NRG3: variants seen among roughly 807,000 people sequenced by gnomAD.
The protein encoded by NRG3 is neuregulin 3, also known as pro-neuregulin-3, membrane-bound isoform.
In NRG3, 31 loss-of-function variants were observed where a neutral mutation model predicts 66.9. That is an observed-to-expected ratio of 0.46 (90% CI 0.35 to 0.63). The LOEUF (loss-of-function observed/expected upper bound fraction) is 0.63, where lower values mean the gene tolerates loss of function less well. NRG3 is among the 20% of genes least tolerant of loss of function. NRG3 has a pLI of 0.00. For missense variants in NRG3, 910 were observed against 878.9 expected, an observed-to-expected ratio of 1.04 and a Z score of -0.45; for synonymous variants, 393 against 359.4, an observed-to-expected ratio of 1.09 and a Z score of -1.06.
chr10:82,242,311 G>A (rs893384987), intron 1 of NRG3, among the ~76,000 whole-genome samples: 9 of 152,070 alleles, frequency 5.9e-5, no homozygotes, highest in South Asian at 2.1e-4. Flanking sequence ...GCAAAAGATG[G>A]TGTCTAAATT....
intron 1 of NRG3, among the ~76,000 whole-genome samples, chr10:82,270,037 G>A (rs1357250557): frequency 6.6e-6 from 1 of 152,114 alleles, no homozygotes; most frequent in Non-Finnish European, 1.5e-5. Flanking sequence ...AAAACGACAT[G>A]AGTATATAAG....
At chr10:81,950,519 C>T (rs1270466789) in intron 1 of NRG3, among the ~76,000 whole-genome samples, 1 of 152,182 alleles carries the variant, frequency 6.6e-6, no homozygotes, top group Non-Finnish European at 1.5e-5. Context: ...CTCCTTCATG[C>T]TGCAGAAACT....
intron 2 of NRG3, among the ~76,000 whole-genome samples, chr10:82,634,654 A>G (rs951800222): frequency 2.0e-5 from 3 of 152,328 alleles, no homozygotes; most frequent in East Asian, 3.9e-4. Flanking sequence ...AATCAGTCCA[A>G]TGGTTTTTCC....
chr10:82,490,220 C>T (rs952362481), intron 2 of NRG3, among the ~76,000 whole-genome samples: 1 of 152,204 alleles, frequency 6.6e-6, no homozygotes, highest in Non-Finnish European at 1.5e-5. Context: ...TATCTACACT[C>T]AGGTTGGCAG....
At chr10:82,955,222 G>A (rs142942882) in intron 5 of NRG3, 6 of 151,902 alleles carry the variant, frequency 3.9e-5, no homozygotes, top group African/African-American at 1.5e-4. Flanking sequence ...TGTGTCTGAG[G>A]AAAGATGGAA....
intron 1 of NRG3, among the ~76,000 whole-genome samples, chr10:82,148,318 C>G (rs2070412507): frequency 6.6e-6 from 1 of 152,096 alleles, no homozygotes; most frequent in Admixed American, 6.6e-5. Flanking sequence ...GGCAACATAG[C>G]AAGACCCCAT....
At chr10:82,724,786 T>C (rs1249010534) in intron 2 of NRG3, among the ~76,000 whole-genome samples, 2 of 152,224 alleles carry the variant, frequency 1.3e-5, no homozygotes, top group African/African-American at 4.8e-5. Flanking sequence ...AGTGGTTTTA[T>C]CAGTTGTTTG....
chr10:82,477,133 A>G (rs2132108974), intron 2 of NRG3, among the ~76,000 whole-genome samples: 1 of 152,190 alleles, frequency 6.6e-6, no homozygotes, highest in Admixed American at 6.5e-5. Context: ...AAGTGTGGGG[A>G]TTCCATATGG....
intron 2 of NRG3, among the ~76,000 whole-genome samples, chr10:82,459,284 A>C (rs1410639290): frequency 6.6e-6 from 1 of 152,116 alleles, no homozygotes; most frequent in Non-Finnish European, 1.5e-5. Context: ...AGGGCCCTGC[A>C]CCTACTTCAG....
intron 1 of NRG3, among the ~76,000 whole-genome samples, chr10:82,182,392 T>G (rs1382342727): frequency 1.3e-5 from 2 of 151,786 alleles, no homozygotes; most frequent in African/African-American, 4.8e-5. Context: ...GTTTTCTTTC[T>G]CATTTATCTT....
At chr10:82,298,527 C>A (rs984761838) in intron 1 of NRG3, among the ~76,000 whole-genome samples, 4 of 151,894 alleles carry the variant, frequency 2.6e-5, no homozygotes, top group Admixed American at 2.6e-4. Flanking sequence ...TTCTCTGTAC[C>A]TTTGGCAACA....
At chr10:81,988,096 A>G (rs2060594360) in intron 1 of NRG3, among the ~76,000 whole-genome samples, 2 of 152,210 alleles carry the variant, frequency 1.3e-5, no homozygotes, top group Non-Finnish European at 1.5e-5. Context: ...AAAAACCAAA[A>G]TGCATTTCAA....
intron 1 of NRG3, among the ~76,000 whole-genome samples, chr10:81,970,946 C>G (rs1405648053): frequency 6.6e-6 from 1 of 152,166 alleles, no homozygotes; most frequent in Non-Finnish European, 1.5e-5. Flanking sequence ...TCGAGTCCAG[C>G]CTGGCCAACA....
intron 1 of NRG3, among the ~76,000 whole-genome samples, chr10:82,292,983 T>C (rs2079834559): frequency 6.6e-6 from 1 of 152,152 alleles, no homozygotes; most frequent in Admixed American, 6.5e-5. Flanking sequence ...TTGGGAGAAC[T>C]AGGTAGAGCT....
At chr10:82,143,173 A>C (rs2069950014) in intron 1 of NRG3, among the ~76,000 whole-genome samples, 1 of 152,092 alleles carries the variant, frequency 6.6e-6, no homozygotes, top group African/African-American at 2.4e-5. Context: ...ATGCAGACTG[A>C]TGCTGAAATG....
chr10:82,064,028 T>C (rs891750826), intron 1 of NRG3, among the ~76,000 whole-genome samples: 1 of 152,226 alleles, frequency 6.6e-6, no homozygotes, highest in Non-Finnish European at 1.5e-5. Context: ...TTTTTTCTCA[T>C]GGTGACAGTG....
chr10:82,219,898 C>A (rs1253373639), intron 1 of NRG3, among the ~76,000 whole-genome samples: 1 of 151,852 alleles, frequency 6.6e-6, no homozygotes, highest in African/African-American at 2.4e-5. Context: ...TATCACGATA[C>A]AGGGAGAAAA....
chr10:82,642,611 G>GAAA (rs34509868), intron 2 of NRG3, among the ~76,000 whole-genome samples: 1 of 142,384 alleles, frequency 7.0e-6, no homozygotes, highest in Non-Finnish European at 1.5e-5. Flanking sequence ...TCTACAAGGA[G>GAAA]AAAAAAAAAA....
intron 1 of NRG3, among the ~76,000 whole-genome samples, chr10:81,977,421 C>A (rs527722947): frequency 6.6e-6 from 1 of 152,218 alleles, no homozygotes; most frequent in South Asian, 2.1e-4. Flanking sequence ...CAAACTCAAG[C>A]AATGTATTTC....
Sources: gnomAD v4.1 joint callset for allele counts (sites outside exome capture counted in the v4.1 genomes callset) on GRCh38, gnomAD v4.1.1 for gene constraint, MANE v1.5 for transcripts, NCBI Gene and HGNC (gene_info 2026-07-23, HGNC 2026-07-21) for gene names.